Variants in WDR47 observed in about 807,000 individuals in gnomAD.
The protein encoded by WDR47 is WD repeat-containing protein 47.
A neutral mutation model predicts 97.2 loss-of-function variants in WDR47; 32 were observed. The observed-to-expected ratio is 0.33, with a 90% CI of 0.25 to 0.44. WDR47 has a LOEUF of 0.44. Among genes scored for constraint, WDR47 ranks in the 20% least tolerant of loss-of-function variants. The pLI, the probability that WDR47 is intolerant of heterozygous loss-of-function variation, is 1.00. For synonymous variants in WDR47, 375 were observed against 373.5 expected, an observed-to-expected ratio of 1.00 and a Z score of -0.05; for missense variants, 782 against 1,102.3, an observed-to-expected ratio of 0.71 and a Z score of 4.11.
At chr1:109,035,260 A>C (rs1662862650) in intron 1 of WDR47, among the ~76,000 whole-genome samples, 1 of 151,222 alleles carries the variant, frequency 6.6e-6, no homozygotes, top group African/African-American at 2.4e-5. Context: ...AAAAAAAAAA[A>C]AAAAAACCCC....
chr1:108,977,075 T>C (rs1657959728), intron 13 of WDR47, among the ~76,000 whole-genome samples: 1 of 152,198 alleles, frequency 6.6e-6, no homozygotes, highest in Admixed American at 6.5e-5. Flanking sequence ...GCTATTGCTG[T>C]GGTTCAGTTG....
In WDR47 at chr1:109,017,411, T is replaced by C. The variant is rs999826357; in HGVS notation, c.242+107A>G. The stretch of plus-strand genomic sequence containing the variant: ...GAGAGAGATCAATTTGTTTACTCTC[T>C]GTTCAAGGCCAGTGGAGAAAGAAAA... On this transcript the variant is annotated intron_variant, in intron 3 of 14. Transcript: ENST00000369962. 49 of 884,510 alleles carry C rather than the reference T, an allele frequency of 5.5e-5. No individual in the cohort carries two copies. In the Admixed American group the frequency reaches 1.1e-3, roughly 20 times the overall value. 54.8% of individuals were successfully genotyped at this position (884,510 alleles called of 1,614,324 possible).
intron 10 of WDR47, among the ~76,000 whole-genome samples, chr1:108,985,639 T>C (rs1264117466): frequency 6.6e-6 from 1 of 152,226 alleles, no homozygotes; most frequent in Non-Finnish European, 1.5e-5. Context: ...ATATATTTGC[T>C]AAATAAATGT....
intron 8 of WDR47, among the ~76,000 whole-genome samples, chr1:108,994,455 A>G (rs1424725870): frequency 6.6e-6 from 1 of 152,140 alleles, no homozygotes; most frequent in East Asian, 1.9e-4. Flanking sequence ...GGAAATATAT[A>G]GCAAAAGGCT....
intron 1 of WDR47, among the ~76,000 whole-genome samples, chr1:109,039,757 G>A (rs1286084643): frequency 6.6e-6 from 1 of 152,082 alleles, no homozygotes; most frequent in African/African-American, 2.4e-5. Flanking sequence ...AATATACAGG[G>A]TCAGGCACGG....
chr1:109,033,218 CA>C (rs1662720633), intron 1 of WDR47, among the ~76,000 whole-genome samples: 2 of 151,950 alleles, frequency 1.3e-5, no homozygotes, highest in African/African-American at 4.8e-5. Flanking sequence ...CACTTGAACC[CA>C]GGGGGGCAGA....
chr1:109,002,160 T>C (rs1660256741), intron 7 of WDR47, 64 bp downstream of exon 7: 8 of 1,448,338 alleles, frequency 5.5e-6, no homozygotes, highest in Admixed American at 4.8e-5. Context: ...AAAGTAGCAG[T>C]TATTGCATGT....
intron 8 of WDR47, among the ~76,000 whole-genome samples, chr1:108,993,145 TG>T (rs1659487749): frequency 1.3e-5 from 2 of 151,994 alleles, no homozygotes; most frequent in Non-Finnish European, 2.9e-5. Context: ...GTAAACATGG[TG>T]AAACTCCATC....
chr1:109,036,768 G>A (rs1662982565), intron 1 of WDR47, among the ~76,000 whole-genome samples: 1 of 148,466 alleles, frequency 6.7e-6, no homozygotes, highest in South Asian at 2.2e-4. Flanking sequence ...CCCCGGGGCG[G>A]AGCTTGCAGT....
intron 8 of WDR47, among the ~76,000 whole-genome samples, chr1:108,991,659 C>T (rs1659357680): frequency 6.6e-6 from 1 of 152,096 alleles, no homozygotes; most frequent in Non-Finnish European, 1.5e-5. Flanking sequence ...GGAGAATGCT[C>T]TTCAGGAAAA....
chr1:109,002,114 T>C (rs1227616119), intron 7 of WDR47, 110 bp downstream of exon 7: 8 of 1,243,784 alleles, frequency 6.4e-6, no homozygotes, highest in Non-Finnish European at 8.7e-6. Flanking sequence ...TTACTTCAAA[T>C]GCGTAAAAAG....
intron 3 of WDR47, among the ~76,000 whole-genome samples, chr1:109,015,605 G>C (rs921451041): frequency 6.6e-6 from 1 of 151,828 alleles, no homozygotes; most frequent in African/African-American, 2.4e-5. Flanking sequence ...TGGGATTACA[G>C]GCGTGAGCCA....
intron 3 of WDR47, among the ~76,000 whole-genome samples, chr1:109,014,406 A>G (rs1403097654): frequency 6.6e-6 from 1 of 151,990 alleles, no homozygotes; most frequent in Non-Finnish European, 1.5e-5. Context: ...ACACTACAAA[A>G]TAACTAGAGA....
intron 1 of WDR47, among the ~76,000 whole-genome samples, chr1:109,023,807 A>C (rs1662017858): frequency 6.6e-6 from 1 of 152,216 alleles, no homozygotes; most frequent in Non-Finnish European, 1.5e-5. Flanking sequence ...AAGAGTGGGA[A>C]GAGATAAAGA....
At chr1:109,035,160 T>C (rs1272856225) in intron 1 of WDR47, among the ~76,000 whole-genome samples, 1 of 149,358 alleles carries the variant, frequency 6.7e-6, no homozygotes, top group Non-Finnish European at 1.5e-5. Context: ...GTGGGAGAAT[T>C]GTTTGAGTCT....
At chr1:109,026,050 CTTT>C (rs557580439) in intron 1 of WDR47, among the ~76,000 whole-genome samples, 1 of 145,020 alleles carries the variant, frequency 6.9e-6, no homozygotes, top group African/African-American at 2.5e-5. Context: ...TCACTAAATT[CTTT>C]TTTTTTTTTT....
chr1:109,040,035 CAAAAAAAAAA>C (rs71281820), intron 1 of WDR47, among the ~76,000 whole-genome samples: 2 of 51,136 alleles, frequency 3.9e-5, no homozygotes, highest in African/African-American at 1.5e-4. Flanking sequence ...GACTCCGTCT[CAAAAAAAAAA>C]AAAAAAAAAA....
At chr1:109,005,825 C>T (rs1660564543) in intron 5 of WDR47, among the ~76,000 whole-genome samples, 1 of 151,986 alleles carries the variant, frequency 6.6e-6, no homozygotes, top group South Asian at 2.1e-4. Context: ...GCCGAGATCA[C>T]GCGACTGCAC....
intron 7 of WDR47, among the ~76,000 whole-genome samples, chr1:108,996,343 T>C (rs1160305857): frequency 1.3e-5 from 2 of 152,238 alleles, no homozygotes; most frequent in Non-Finnish European, 2.9e-5. Flanking sequence ...CATGAACCAC[T>C]GTGCCCAGCC....
Sources: allele counts gnomAD v4.1 joint callset (sites outside exome capture counted in the v4.1 genomes callset), GRCh38; gene constraint gnomAD v4.1.1; transcripts MANE v1.5; gene names NCBI Gene and HGNC (gene_info 2026-07-23, HGNC 2026-07-21).